The following ROBO1 variants were observed in gnomAD, a reference collection of about 807,000 sequenced individuals.
The protein encoded by ROBO1 is roundabout guidance receptor 1, also known as roundabout homolog 1.
In ROBO1, 149 loss-of-function variants were observed where a neutral mutation model predicts 195.9. The ratio of observed to expected loss-of-function variants is 0.76; its 90% CI spans 0.67 to 0.87. ROBO1 has a LOEUF of 0.87. Ranked by LOEUF, ROBO1 falls within the 40% of genes least tolerant of loss-of-function variation. The probability of loss-of-function intolerance (pLI) is 0.00; values close to 1 mark genes in which losing one functional copy is unlikely to be tolerated. For missense variants in ROBO1, 1,933 were observed against 2,068.3 expected (o/e 0.93, Z 1.27); for synonymous variants, 816 against 733.2 (o/e 1.11, Z -1.82).
chr3:78,741,108 C>G (rs965078873), intron 5 of ROBO1, among the ~76,000 whole-genome samples: 71 of 152,122 alleles, frequency 4.7e-4, no homozygotes, highest in African/African-American at 1.7e-3. Flanking sequence ...CTATTAAATA[C>G]CTTAATATTT....
chr3:78,704,540 A>G (rs2081500562), intron 8 of ROBO1, among the ~76,000 whole-genome samples: 1 of 151,806 alleles, frequency 6.6e-6, no homozygotes, highest in Non-Finnish European at 1.5e-5. Context: ...ACTTTTACCT[A>G]AATTTTAATT....
chr3:79,173,632 G>A (rs913389620), intron 2 of ROBO1, among the ~76,000 whole-genome samples: 25 of 152,114 alleles, frequency 1.6e-4, no homozygotes, highest in African/African-American at 2.9e-4. Context: ...GGCTCAGCCC[G>A]AGCCTCCCGG....
At chr3:78,779,818 C>A (rs2083619118) in intron 4 of ROBO1, among the ~76,000 whole-genome samples, 2 of 152,092 alleles carry the variant, frequency 1.3e-5, no homozygotes, top group South Asian at 4.1e-4. Flanking sequence ...ATGTTTATTG[C>A]AACACTGTTC....
At chr3:79,767,575 G>A (rs1559568535) in intron 1 of ROBO1, among the ~76,000 whole-genome samples, 177 bp downstream of exon 1, 1 of 152,160 alleles carries the variant, frequency 6.6e-6, no homozygotes, top group Non-Finnish European at 1.5e-5. Context: ...TAGCCTGAAG[G>A]TTTTTGATTC....
At chr3:79,738,512 C>T (rs1167233134) in intron 1 of ROBO1, among the ~76,000 whole-genome samples, 1 of 151,956 alleles carries the variant, frequency 6.6e-6, no homozygotes, top group Non-Finnish European at 1.5e-5. Context: ...AATAAAAAGT[C>T]TGTAGGTGCA....
intron 2 of ROBO1, among the ~76,000 whole-genome samples, chr3:79,408,781 AG>A (rs2037655248): frequency 6.6e-6 from 1 of 152,274 alleles, no homozygotes; most frequent in South Asian, 2.1e-4. Flanking sequence ...TCTATATTTT[AG>A]ATTTATAGAC....
At chr3:78,823,768 T>C (rs532281754) in intron 4 of ROBO1, among the ~76,000 whole-genome samples, 1 of 152,310 alleles carries the variant, frequency 6.6e-6, no homozygotes, top group Non-Finnish European at 1.5e-5. Flanking sequence ...TTCAGATATG[T>C]GTCACCTCAT....
At chr3:79,738,185 A>C (rs568813332) in intron 1 of ROBO1, among the ~76,000 whole-genome samples, 1 of 152,204 alleles carries the variant, frequency 6.6e-6, no homozygotes, top group Admixed American at 6.5e-5. Flanking sequence ...TCAGCAGTGT[A>C]CTCTTTCACA....
intron 2 of ROBO1, among the ~76,000 whole-genome samples, chr3:79,169,867 T>C (rs1419476282): frequency 1.3e-5 from 2 of 152,098 alleles, no homozygotes; most frequent in Non-Finnish European, 2.9e-5. Flanking sequence ...ATGGAGTATA[T>C]AAAAATAAGA....
At chr3:78,897,488 A>T (rs376979536) in intron 4 of ROBO1, among the ~76,000 whole-genome samples, 2 of 152,206 alleles carry the variant, frequency 1.3e-5, no homozygotes, top group African/African-American at 4.8e-5. Context: ...TCATCAGTTG[A>T]GTTTACAGAA....
At position 79,023,696 on chromosome 3, in the gene ROBO1, G is replaced by GTT. The variant is rs869056050; in HGVS notation, c.173-84771_173-84770dup. Among the ~76,000 whole-genome samples the GTT allele has an allele frequency of 2.2e-4, 15 of 68,964 alleles. 1 individual carries two copies. Among genetic ancestry groups the GTT allele is most frequent in the African/African-American group, 8.1e-4 (13 of 16,000 alleles). The allele number at this position is 68,964 out of a possible 152,430, so 45.2% of individuals were successfully genotyped here. A position where few individuals can be genotyped will look rare whatever the true frequency, so the allele number is the denominator to read the frequency against. On this transcript the variant is annotated intron_variant, in intron 3 of 30. Transcript: ENST00000464233. ...ATTTTTTTTTTTTTTTTGAGACAGA[G>GTT]TTTTTTTTTTTTTTTTTTTTTTTTT... is the stretch of plus-strand genomic sequence containing the variant.
chr3:79,206,994 A>G (rs1475592580), intron 2 of ROBO1, among the ~76,000 whole-genome samples: 1 of 152,198 alleles, frequency 6.6e-6, no homozygotes, highest in Non-Finnish European at 1.5e-5. Flanking sequence ...AAAAACATAT[A>G]AAGATTTCAA....
chr3:78,716,835 C>T (rs1244689589), intron 7 of ROBO1, among the ~76,000 whole-genome samples: 1 of 152,080 alleles, frequency 6.6e-6, no homozygotes, highest in East Asian at 1.9e-4. Context: ...AAGGACTTGA[C>T]AGATATCAAG....
intron 2 of ROBO1, among the ~76,000 whole-genome samples, chr3:79,298,446 G>T (rs1377145770): frequency 6.6e-6 from 1 of 152,116 alleles, no homozygotes; most frequent in African/African-American, 2.4e-5. Flanking sequence ...TAAGAAGTCA[G>T]ATTTTTTCAG....
At chr3:78,740,273 G>A (rs1180429106) in intron 5 of ROBO1, among the ~76,000 whole-genome samples, 1 of 149,716 alleles carries the variant, frequency 6.7e-6, no homozygotes, top group East Asian at 1.9e-4. Context: ...TGGATAAAAT[G>A]AGATGATATA....
At chr3:79,145,360 TACACACACACATACACAC>T (rs1017012570) in intron 2 of ROBO1, among the ~76,000 whole-genome samples, 11 of 22,100 alleles carry the variant, frequency 5.0e-4, no homozygotes, top group Non-Finnish European at 7.1e-4. Flanking sequence ...ATGCCAGAAA[TACACACACACATACACAC>T]ACACACACAC....
intron 2 of ROBO1, among the ~76,000 whole-genome samples, chr3:79,285,915 G>A (rs555728448): frequency 6.6e-6 from 1 of 152,116 alleles, no homozygotes; most frequent in Non-Finnish European, 1.5e-5. Context: ...AAAAAGACAA[G>A]GTGAAGGAAA....
At chr3:79,281,703 C>A (rs76078725) in intron 2 of ROBO1, among the ~76,000 whole-genome samples, 1 of 151,956 alleles carries the variant, frequency 6.6e-6, no homozygotes, top group Admixed American at 6.6e-5. Flanking sequence ...TGGATTTATT[C>A]AACTTTCCAC....
At chr3:79,179,478 T>G (rs1002685374) in intron 2 of ROBO1, among the ~76,000 whole-genome samples, 1 of 152,216 alleles carries the variant, frequency 6.6e-6, no homozygotes, top group Non-Finnish European at 1.5e-5. Context: ...CTTAACTGCC[T>G]CCTATTGCAG....
Sources: gnomAD v4.1 joint callset for allele counts (sites outside exome capture counted in the v4.1 genomes callset) on GRCh38, gnomAD v4.1.1 for gene constraint, MANE v1.5 for transcripts, NCBI Gene and HGNC (gene_info 2026-07-23, HGNC 2026-07-21) for gene names.